The following PSMD1 variants were observed in gnomAD, a reference collection of about 807,000 sequenced individuals.
PSMD1 encodes 26S proteasome non-ATPase regulatory subunit 1.
A neutral mutation model predicts 119.0 loss-of-function variants in PSMD1; 18 were observed. The observed-to-expected ratio is 0.15, with a 90% CI of 0.10 to 0.22. PSMD1 has a LOEUF of 0.22. PSMD1 is among the 10% of genes least tolerant of loss of function. The pLI is 1.00. For synonymous variants in PSMD1, 374 were observed against 396.6 expected (o/e 0.94, Z 0.68); for missense variants, 702 against 1,158.5 (o/e 0.61, Z 5.72).
In PSMD1 at chr2:231,075,517, G is replaced by T; in HGVS notation, c.888G>T (p.Ser296=). 1 of 1,612,326 alleles carries T rather than the reference G, an allele frequency of 6.2e-7. No homozygotes were observed. Among genetic ancestry groups the T allele is most frequent in the South Asian group, 1.1e-5 (1 of 90,688 alleles). ...TTGGTTCTTTTCATTTCAGTGACTC[G>T]ATGGAAACAGAAGAAAAGACAAGCA... ...TVPGSEKDSD[S]METEEKTSSA... is the part of the protein sequence containing the mutation. Residue 296 remains serine (S), a synonymous_variant, in exon 8 of 25, where the codon TCG becomes TCT. Transcript: ENST00000308696.
chr2:231,105,631 A>C (rs1574731882), intron 16 of PSMD1, among the ~76,000 whole-genome samples: 1 of 152,288 alleles, frequency 6.6e-6, no homozygotes, highest in Non-Finnish European at 1.5e-5. Context: ...AATGTTTCTC[A>C]GTGTATAAAT....
intron 16 of PSMD1, among the ~76,000 whole-genome samples, chr2:231,127,274 C>CAA (rs774471116): frequency 8.6e-6 from 1 of 115,746 alleles, no homozygotes; most frequent in Non-Finnish European, 1.9e-5. Flanking sequence ...ACAACAACAA[C>CAA]AAAAAAAAAA....
chr2:231,067,186 T>C, intron 5 of PSMD1, 75 bp downstream of exon 5: 1 of 1,149,430 alleles, frequency 8.7e-7, no homozygotes, highest in Non-Finnish European at 1.2e-6. Context: ...ACTGAAACTT[T>C]CATAGGCAGT....
chr2:231,168,873 T>C (rs1696847094), intron 23 of PSMD1, among the ~76,000 whole-genome samples: 1 of 152,232 alleles, frequency 6.6e-6, no homozygotes, highest in African/African-American at 2.4e-5. Context: ...GGCAAGGTCA[T>C]GGGACCCTTC....
rs191637835 is a variant in PSMD1 at position 231,170,858 on chromosome 2, C to G, written c.*9+137C>G. On this transcript the variant is annotated intron_variant, in intron 24 of 24. Coordinates refer to ENST00000308696, the MANE Select transcript of PSMD1 (RefSeq NM_002807.4). The surrounding 1 kb of genome is among the most constrained non-coding windows in gnomAD (Gnocchi z 4.1). ...TACCTAAACAGTATTAAAACTTCCC[C>G]GTTTCAACCTTTTTCTGCATATATA... is the stretch of plus-strand genomic sequence containing the variant. 1 of 928,708 alleles carries G rather than the reference C, an allele frequency of 1.1e-6. No individual in the cohort carries two copies. The highest frequency in any genetic ancestry group is 2.4e-5 in the South Asian group (1 of 42,236). 57.5% of individuals were successfully genotyped at this position (928,708 alleles called of 1,614,324 possible). A position where few individuals can be genotyped will look rare whatever the true frequency, so the allele number is the denominator to read the frequency against.
At chr2:231,123,859 T>C (rs1274851382) in intron 16 of PSMD1, 1 of 1,018,746 alleles carries the variant, frequency 9.8e-7, no homozygotes, top group African/African-American at 1.6e-5. Context: ...ATTGTAACCA[T>C]GCCAAACACT....
intron 16 of PSMD1, chr2:231,123,672 C>G: frequency 6.2e-7 from 1 of 1,613,976 alleles, no homozygotes; most frequent in South Asian, 1.1e-5. Context: ...GTAATCCAGA[C>G]CAGTTAGAAG....
intron 16 of PSMD1, among the ~76,000 whole-genome samples, chr2:231,125,981 TTGC>T (rs1460328222): frequency 2.7e-4 from 41 of 152,366 alleles, no homozygotes; most frequent in African/African-American, 9.9e-4. Flanking sequence ...TATTCAGTAT[TTGC>T]TGCTTTTTTA....
At chr2:231,074,763 A>G (rs981157626) in intron 7 of PSMD1, among the ~76,000 whole-genome samples, 2 of 152,094 alleles carry the variant, frequency 1.3e-5, no homozygotes, top group South Asian at 4.2e-4. Context: ...AGTTTTTCCA[A>G]TTTTACTGCC....
At chr2:231,071,317 A>G (rs1296446887) in intron 6 of PSMD1, among the ~76,000 whole-genome samples, 4 of 151,922 alleles carry the variant, frequency 2.6e-5, no homozygotes, top group Non-Finnish European at 5.9e-5. Flanking sequence ...AAAATAATAT[A>G]TTTTTGAGCA....
intron 16 of PSMD1, among the ~76,000 whole-genome samples, chr2:231,133,130 T>C (rs1695888960): frequency 6.6e-6 from 1 of 152,200 alleles, no homozygotes; most frequent in African/African-American, 2.4e-5. Context: ...GAATCTGTTG[T>C]TAGAGAGTAC....
At chr2:231,103,370 C>T (rs1366917589) in intron 16 of PSMD1, among the ~76,000 whole-genome samples, 1 of 152,200 alleles carries the variant, frequency 6.6e-6, no homozygotes, top group Non-Finnish European at 1.5e-5. Context: ...TTACCCAAGT[C>T]TACTAGTCTG....
intron 17 of PSMD1, among the ~76,000 whole-genome samples, chr2:231,142,653 C>T (rs1696152369): frequency 6.6e-6 from 1 of 151,826 alleles, no homozygotes; most frequent in Admixed American, 6.6e-5. Context: ...TTCTTAAAAA[C>T]CTGAAACATC....
chr2:231,121,783 C>G lies in PSMD1; in HGVS notation c.1884-16953C>G, dbSNP rs536379469. On this transcript the variant is annotated intron_variant, in intron 16 of 24. Transcript: ENST00000308696. ...ATTTATGGACTCAAAGATTTTAAAG[C>G]TAAAATTCACTTCTGCATAATTCTT... 1.2e-3 allele frequency among the ~76,000 whole-genome samples: 181 copies of G among 152,204 alleles called. 1 individual carries two copies. The highest frequency in any genetic ancestry group is 3.9e-3 in the African/African-American group (164 of 41,538).
At chr2:231,080,489 G>A (rs111276197) in intron 12 of PSMD1, among the ~76,000 whole-genome samples, 175 bp downstream of exon 12, 2 of 150,870 alleles carry the variant, frequency 1.3e-5, no homozygotes, top group African/African-American at 4.9e-5. Context: ...AGCTAAAATT[G>A]TGTTTCTCAC....
At chr2:231,138,094 G>A (rs952690024) in intron 16 of PSMD1, among the ~76,000 whole-genome samples, 2 of 152,160 alleles carry the variant, frequency 1.3e-5, no homozygotes, top group East Asian at 1.9e-4. Context: ...TAGCCACTGT[G>A]CCAGCCAGGA....
chr2:231,087,052 C>G, intron 15 of PSMD1, 65 bp from the exon 16 acceptor site: 1 of 1,358,630 alleles, frequency 7.4e-7, no homozygotes, highest in Non-Finnish European at 1.1e-6. Flanking sequence ...ATGCTGACCT[C>G]TCATGTCAGT....
intron 16 of PSMD1, among the ~76,000 whole-genome samples, chr2:231,105,489 T>G (rs188614967): frequency 1.3e-5 from 2 of 152,048 alleles, no homozygotes; most frequent in Non-Finnish European, 2.9e-5. Flanking sequence ...AGAATTGGTC[T>G]TTGTATATCT....
At chr2:231,157,101 C>T (rs970360474) in intron 19 of PSMD1, among the ~76,000 whole-genome samples, 5 of 151,870 alleles carry the variant, frequency 3.3e-5, no homozygotes, top group African/African-American at 1.2e-4. Flanking sequence ...TTAGCTGCCA[C>T]TTTTTAAAGT....
Sources: allele counts gnomAD v4.1 joint callset (sites outside exome capture counted in the v4.1 genomes callset), GRCh38; gene constraint gnomAD v4.1.1; non-coding constraint Gnocchi (gnomAD v3.1); transcripts MANE v1.5; gene names NCBI Gene and HGNC (gene_info 2026-07-23, HGNC 2026-07-21).